The following PSMA8 variants were observed in gnomAD, a reference collection of about 807,000 sequenced individuals.
The protein encoded by PSMA8 is proteasome 20S subunit alpha 8.
A neutral mutation model predicts 32.4 loss-of-function variants in PSMA8; 18 were observed. The observed-to-expected ratio is 0.56, with a 90% confidence interval of 0.38 to 0.82. The LOEUF (loss-of-function observed/expected upper bound fraction) is 0.82, where lower values mean the gene tolerates loss of function less well. Ranked by LOEUF, PSMA8 falls within the 40% of genes least tolerant of loss-of-function variation. The pLI is 0.00. For missense variants in PSMA8, 298 were observed against 300.7 expected (o/e 0.99, Z 0.07); for synonymous variants, 104 against 98.1 (o/e 1.06, Z -0.36).
chr18:26,163,393 G>T (rs1024671192), intron 4 of PSMA8, among the ~76,000 whole-genome samples: 1 of 151,808 alleles, frequency 6.6e-6, no homozygotes, highest in African/African-American at 2.4e-5. Flanking sequence ...GAGCAAGCCA[G>T]CCAGTTATTT....
intron 4 of PSMA8, among the ~76,000 whole-genome samples, chr18:26,160,662 C>T (rs2055128302): frequency 6.6e-6 from 1 of 152,152 alleles, no homozygotes; most frequent in South Asian, 2.1e-4. Context: ...AGCTATGGTA[C>T]TGAGCATATT....
rs2055217873 is a variant in PSMA8 at position 26,171,232 on chromosome 18, T to G, written c.478-7598T>G. The G allele has an allele frequency of 3.2e-6, 5 of 1,559,194 alleles. 1 individual carries two copies. The highest frequency in any genetic ancestry group is 2.2e-5 in the South Asian group (2 of 89,948). Reference sequence around the variant, plus strand: ...GGTGGCCAGGGCAGGTCCCCGTTCTTGCCGATGCCCATGTTCTGGGACACA... The same window carrying G: ...GGTGGCCAGGGCAGGTCCCCGTTCTGGCCGATGCCCATGTTCTGGGACACA... On this transcript the variant is annotated intron_variant, in intron 4 of 6. Coordinates refer to ENST00000415576, the MANE Select transcript of PSMA8 (RefSeq NM_001025096.2).
chr18:26,164,383 C>T (rs1339520973), intron 4 of PSMA8, among the ~76,000 whole-genome samples: 1 of 152,222 alleles, frequency 6.6e-6, no homozygotes, highest in African/African-American at 2.4e-5. Context: ...AGGATATTCA[C>T]GTGGTGCCAC....
At chr18:26,156,637 C>T (rs1392057729) in intron 3 of PSMA8, among the ~76,000 whole-genome samples, 2 of 148,466 alleles carry the variant, frequency 1.3e-5, no homozygotes, top group Middle Eastern at 3.6e-3. Context: ...GAATAGCATA[C>T]TGTGTGTGTA....
At chr18:26,171,640 G>A (rs28650842) in intron 4 of PSMA8, among the ~76,000 whole-genome samples, 9,001 of 152,034 alleles carry the variant, frequency 0.059, 716 homozygotes, top group African/African-American at 0.18. Flanking sequence ...AGGCTGAGGC[G>A]TGAGAATTGC....
chr18:26,165,581 A>G (rs887323849), intron 4 of PSMA8, among the ~76,000 whole-genome samples: 1 of 152,114 alleles, frequency 6.6e-6, no homozygotes, highest in East Asian at 1.9e-4. Context: ...TCCCCCCCCA[A>G]GATTGGCAAC....
At chr18:26,148,555 ACAT>A (rs1598646600) in intron 2 of PSMA8, among the ~76,000 whole-genome samples, 2 of 152,322 alleles carry the variant, frequency 1.3e-5, no homozygotes, top group East Asian at 3.9e-4. Context: ...TTCACAGCTG[ACAT>A]CATACTCAGT....
chr18:26,160,236 T>C (rs930143646), intron 4 of PSMA8, among the ~76,000 whole-genome samples: 4 of 152,172 alleles, frequency 2.6e-5, no homozygotes, highest in African/African-American at 9.7e-5. Flanking sequence ...GCCCAAGAGT[T>C]TGAAGCTGCA....
At chr18:26,160,033 A>G (rs115850159) in intron 4 of PSMA8, among the ~76,000 whole-genome samples, 8,408 of 152,238 alleles carry the variant, frequency 0.055, 690 homozygotes, top group African/African-American at 0.18. Context: ...CTGGTGTGGT[A>G]GCTCACTTCT....
chr18:26,170,869 T>C (rs2055215008), intron 4 of PSMA8: 1 of 1,559,662 alleles, frequency 6.4e-7, no homozygotes, highest in Non-Finnish European at 8.5e-7. Context: ...AAGTCTTGCA[T>C]GATCCTTGTC....
intron 3 of PSMA8, among the ~76,000 whole-genome samples, chr18:26,154,951 G>A (rs2055076386): frequency 1.3e-5 from 2 of 151,986 alleles, no homozygotes; most frequent in Non-Finnish European, 2.9e-5. Context: ...CATTAGTCTA[G>A]GCACGGTGGC....
At chr18:26,180,005 C>T (rs1015588599) in intron 6 of PSMA8, among the ~76,000 whole-genome samples, 10 of 151,256 alleles carry the variant, frequency 6.6e-5, no homozygotes, top group Non-Finnish European at 1.5e-4. Context: ...AATCCCAGCA[C>T]TCTGGGAGGC....
intron 4 of PSMA8, among the ~76,000 whole-genome samples, chr18:26,162,980 C>T (rs1212288008): frequency 1.3e-5 from 2 of 151,704 alleles, no homozygotes; most frequent in Non-Finnish European, 2.9e-5. Context: ...GTGCAGGATT[C>T]CCAAAGATTA....
At chr18:26,181,320 T>G (rs2055309293) in intron 6 of PSMA8, among the ~76,000 whole-genome samples, 1 of 152,190 alleles carries the variant, frequency 6.6e-6, no homozygotes. Flanking sequence ...AAACACTGAG[T>G]GAACTTAATC....
chr18:26,159,118 G>T (rs1402600327), intron 4 of PSMA8, among the ~76,000 whole-genome samples: 1 of 151,816 alleles, frequency 6.6e-6, no homozygotes, highest in African/African-American at 2.4e-5. Context: ...AACTGATTTT[G>T]ACTTTATTAA....
At chr18:26,175,454 C>G (rs571473661) in intron 4 of PSMA8, among the ~76,000 whole-genome samples, 1 of 152,280 alleles carries the variant, frequency 6.6e-6, no homozygotes, top group East Asian at 1.9e-4. Flanking sequence ...CAGAGCTGTT[C>G]TAACTTGGGG....
chr18:26,169,659 G>A (rs556874103), intron 4 of PSMA8, among the ~76,000 whole-genome samples: 1 of 129,064 alleles, frequency 7.7e-6, no homozygotes, highest in Admixed American at 7.3e-5. Flanking sequence ...GACCAACATG[G>A]CGAAACCCCA....
At chr18:26,159,826 C>T (rs1252270203) in intron 4 of PSMA8, among the ~76,000 whole-genome samples, 4 of 152,016 alleles carry the variant, frequency 2.6e-5, no homozygotes, top group Non-Finnish European at 4.4e-5. Flanking sequence ...CTTGCATACA[C>T]GTGGATACCC....
intron 6 of PSMA8, among the ~76,000 whole-genome samples, chr18:26,185,100 A>AG (rs2055342841): frequency 6.7e-6 from 1 of 149,790 alleles, no homozygotes; most frequent in African/African-American, 2.5e-5. Context: ...AAAAAAAAAA[A>AG]AAAAAAAAGT....
Sources: allele counts gnomAD v4.1 joint callset (sites outside exome capture counted in the v4.1 genomes callset), GRCh38; gene constraint gnomAD v4.1.1; transcripts MANE v1.5; gene names NCBI Gene and HGNC (gene_info 2026-07-23, HGNC 2026-07-21).